CAPN14: variants seen among roughly 807,000 people sequenced by gnomAD.
CAPN14 encodes calpain-14.
CAPN14 carries 94 observed loss-of-function variants against 101.3 expected under a neutral mutation model. That is an observed-to-expected ratio of 0.93 (90% confidence interval 0.79 to 1.10). CAPN14 has a LOEUF of 1.10. CAPN14 is among the 50% of genes least tolerant of loss of function. CAPN14 has a pLI of 0.00. For synonymous variants in CAPN14, 338 were observed against 317.9 expected (o/e 1.06, Z -0.67); for missense variants, 837 against 828.4 (o/e 1.01, Z -0.13).
chr2:31,188,196 T>C (rs1680998792), intron 14 of CAPN14, 122 bp downstream of exon 14: 4 of 858,010 alleles, frequency 4.7e-6, no homozygotes, highest in African/African-American at 1.7e-5. Flanking sequence ...ATGTTTGCCA[T>C]AGAACAGGGT....
chr2:31,219,207 C>T (rs200556452), upstream of CAPN14, among the ~76,000 whole-genome samples: 4 of 152,154 alleles, frequency 2.6e-5, no homozygotes, highest in South Asian at 2.1e-4. Context: ...GCCACCGAGA[C>T]GCATAGGGTA....
At chr2:31,227,711 C>G (rs1171183948) in intron 1 of CAPN14, among the ~76,000 whole-genome samples, 1 of 152,214 alleles carries the variant, frequency 6.6e-6, no homozygotes, top group Non-Finnish European at 1.5e-5. Flanking sequence ...TCGGCCTGAT[C>G]TCATCAGTAG....
Position 31,177,905 on chromosome 2 carries a change from G to A in CAPN14, c.1780-84C>T, listed in dbSNP as rs559005675. The A allele has an allele frequency of 4.2e-5, 39 of 935,072 alleles. No homozygotes were observed. In the African/African-American group the frequency reaches 5.1e-4, roughly 12 times the overall value. The allele number at this position is 935,072 out of a possible 1,614,324, so 57.9% of individuals were successfully genotyped here. A position where few individuals can be genotyped will look rare whatever the true frequency, so the allele number is the denominator to read the frequency against. ...GCCCTGTGTGCCCCTTGTCAGCACC[G>A]CAGAGGGGCTGTTGAAGATATCTGA... is the stretch of plus-strand genomic sequence containing the variant. On this transcript the variant is annotated intron_variant, in intron 18 of 21. Coordinates refer to ENST00000403897, the MANE Select transcript of CAPN14 (RefSeq NM_001145122.2).
At chr2:31,224,434 C>T (rs1328313824) in intron 2 of CAPN14, among the ~76,000 whole-genome samples, 3 of 151,812 alleles carry the variant, frequency 2.0e-5, no homozygotes, top group African/African-American at 7.3e-5. Flanking sequence ...CATGCCCAAG[C>T]CAAGGGGTGA....
At chr2:31,203,925 A>C (rs1180243360) in intron 2 of CAPN14, among the ~76,000 whole-genome samples, 1 of 152,228 alleles carries the variant, frequency 6.6e-6, no homozygotes, top group East Asian at 1.9e-4. Context: ...GAACACATTA[A>C]GAAGTTGCTT....
At chr2:31,175,525 C>T (rs1301474872) in intron 21 of CAPN14, among the ~76,000 whole-genome samples, 6 of 152,204 alleles carry the variant, frequency 3.9e-5, no homozygotes, top group Non-Finnish European at 5.9e-5. Context: ...TTGTGTTGTC[C>T]TATTCTCCTA....
chr2:31,213,051 A>C (rs1455375932), intron 1 of CAPN14, among the ~76,000 whole-genome samples: 2 of 152,242 alleles, frequency 1.3e-5, no homozygotes, highest in Non-Finnish European at 1.5e-5. Context: ...GAACAAGACT[A>C]ACTATAGGCT....
At chr2:31,208,008 C>T (rs1447050275) in intron 1 of CAPN14, among the ~76,000 whole-genome samples, 1 of 152,100 alleles carries the variant, frequency 6.6e-6, no homozygotes, top group Non-Finnish European at 1.5e-5. Context: ...GTTTGTCTCA[C>T]ACCCTTACCT....
chr2:31,212,747 G>A (rs1682464648), intron 1 of CAPN14, among the ~76,000 whole-genome samples: 1 of 152,214 alleles, frequency 6.6e-6, no homozygotes, highest in Non-Finnish European at 1.5e-5. Context: ...TAGACACTAT[G>A]TCTCAGACTG....
intron 7 of CAPN14, among the ~76,000 whole-genome samples, chr2:31,197,945 A>G (rs1048102988): frequency 6.6e-6 from 1 of 152,190 alleles, no homozygotes; most frequent in African/African-American, 2.4e-5. Flanking sequence ...TTCGGAACTG[A>G]GAAAATTAAT....
chr2:31,179,773 G>A (rs10184618), intron 17 of CAPN14, among the ~76,000 whole-genome samples: 45,486 of 151,926 alleles, frequency 0.3, 8,081 homozygotes, highest in African/African-American at 0.48. Context: ...GTGTGAGATG[G>A]TATCTCATTG....
intron 1 of CAPN14, among the ~76,000 whole-genome samples, chr2:31,208,984 A>G (rs922282459): frequency 1.3e-5 from 2 of 152,026 alleles, no homozygotes; most frequent in Non-Finnish European, 2.9e-5. Flanking sequence ...ATTATTTTTT[A>G]TTAGAGACAG....
At position 31,205,223 on chromosome 2, in the gene CAPN14, C is replaced by T. The variant is rs758048372; in HGVS notation, c.225G>A (p.Pro75=). ...TCTGGGCTGACACATTTTGCCTCAC[C>T]GGGGGCCTCTTCCACTGCAGGCGGG... ...LPPRLQWKRP[P]ELHSNPQFYF... Residue 75 remains proline (P), a splice_region_variant and synonymous_variant, in exon 2 of 22, where the codon CCG becomes CCA. Transcript: ENST00000403897. 1.2e-5 allele frequency: 18 copies of T among 1,549,374 alleles called. No individual in the cohort carries two copies. Among genetic ancestry groups the T allele is most frequent in the South Asian group, 9.5e-5 (8 of 83,962 alleles).
At chr2:31,210,714 A>G (rs1235788094) in intron 1 of CAPN14, among the ~76,000 whole-genome samples, 1 of 152,016 alleles carries the variant, frequency 6.6e-6, no homozygotes, top group Non-Finnish European at 1.5e-5. Flanking sequence ...TTTAGAGAAA[A>G]TTTTCTATGC....
In CAPN14 at chr2:31,200,609, C is replaced by A. The variant is rs1681706742; in HGVS notation, c.568G>T (p.Glu190Ter). ...KAYAKLSGSY[E>*]DLQSGQVSEA... Reference sequence around the variant, plus strand: ...GACACCTGTCCTGACTGCAAGTCTTCATAGGAACCAGAGAGCCTGGCCAGG... The same window carrying A: ...GACACCTGTCCTGACTGCAAGTCTTAATAGGAACCAGAGAGCCTGGCCAGG... The change falls in exon 6 of 22, where the codon GAA (glutamate) becomes TAA (stop). Residue 190 changes from glutamate (E) to a stop codon, truncating the protein, a stop_gained. Transcript: ENST00000403897. LOFTEE classifies it high-confidence loss of function. 1 of 1,549,550 alleles carries A rather than the reference C, an allele frequency of 6.5e-7. No individual in the cohort carries two copies. The highest frequency in any genetic ancestry group is 2.0e-5 in the Admixed American group (1 of 50,554).
chr2:31,227,386 G>C (rs1354439923), intron 1 of CAPN14, among the ~76,000 whole-genome samples: 1 of 143,628 alleles, frequency 7.0e-6, no homozygotes, highest in Non-Finnish European at 1.5e-5. Context: ...CCATCAACTA[G>C]ACTCAGACAG....
chr2:31,191,286 T>C, intron 12 of CAPN14, 113 bp downstream of exon 12: 1 of 1,037,794 alleles, frequency 9.6e-7, no homozygotes, highest in East Asian at 2.6e-5. Flanking sequence ...TCTGGCATTA[T>C]CATAGCTTCT....
chr2:31,229,884 T>TA (rs1481070122), intron 1 of CAPN14, among the ~76,000 whole-genome samples: 1 of 152,160 alleles, frequency 6.6e-6, no homozygotes, highest in Non-Finnish European at 1.5e-5. Context: ...GAACAACAGA[T>TA]AGTGGTTTTT....
In CAPN14 at chr2:31,185,029, T is replaced by A. The variant is rs1052509410; in HGVS notation, c.1645+1399A>T. Among the ~76,000 whole-genome samples, 26 of 152,210 alleles carry A rather than the reference T, an allele frequency of 1.7e-4. 1 individual carries two copies. The highest frequency in any genetic ancestry group is 1.5e-5 in the Non-Finnish European group (1 of 68,034). Reference sequence around the variant, plus strand: ...TGGTTTATTATCTTCCTGACTACATTTCATCTTTTTGGTTTGGGCACAGCT... The same window carrying A: ...TGGTTTATTATCTTCCTGACTACATATCATCTTTTTGGTTTGGGCACAGCT... On this transcript the variant is annotated intron_variant, in intron 16 of 21. Transcript: ENST00000403897.
Sources: gnomAD v4.1 joint callset for allele counts (sites outside exome capture counted in the v4.1 genomes callset) on GRCh38, gnomAD v4.1.1 for gene constraint, MANE v1.5 for transcripts, NCBI Gene and HGNC (gene_info 2026-07-23, HGNC 2026-07-21) for gene names.